Variants in GLI2 observed in about 807,000 individuals in gnomAD.
GLI2 encodes the protein GLI family zinc finger 2.
In GLI2, 22 loss-of-function variants were observed where a neutral mutation model predicts 78.9. That is an observed-to-expected ratio of 0.28 (90% confidence interval 0.20 to 0.40). The LOEUF (loss-of-function observed/expected upper bound fraction) is 0.40, where lower values mean the gene tolerates loss of function less well. Among genes scored for constraint, GLI2 ranks in the 10% least tolerant of loss-of-function variants. GLI2 has a pLI of 1.00. For synonymous variants in GLI2, 974 were observed against 963.7 expected (o/e 1.01, Z -0.20); for missense variants, 2,097 against 2,213.2 (o/e 0.95, Z 1.05).
chr2:120,933,401 A>G (rs1209007019), intron 3 of GLI2, among the ~76,000 whole-genome samples: 1 of 152,074 alleles, frequency 6.6e-6, no homozygotes, highest in Non-Finnish European at 1.5e-5. Flanking sequence ...TGGGGAGACA[A>G]ATGGGGCAGG....
chr2:120,801,729 A>T (rs918997709), intron 2 of GLI2, among the ~76,000 whole-genome samples: 24 of 152,150 alleles, frequency 1.6e-4, no homozygotes, highest in Non-Finnish European at 5.9e-5. Flanking sequence ...AAAGCTCGGA[A>T]AACCCAGGCA....
chr2:120,833,628 G>T (rs565078380), intron 2 of GLI2, among the ~76,000 whole-genome samples: 5 of 152,218 alleles, frequency 3.3e-5, no homozygotes, highest in South Asian at 4.2e-4. Flanking sequence ...GATTTTGACT[G>T]TCCATGGACT....
intron 1 of GLI2, among the ~76,000 whole-genome samples, chr2:120,764,192 C>T (rs969863490): frequency 2.0e-5 from 3 of 152,204 alleles, no homozygotes; most frequent in East Asian, 3.9e-4. Flanking sequence ...GAGGTGCCAG[C>T]GAAGTGGCAG....
At chr2:120,841,815 T>G (rs1445242513) in intron 2 of GLI2, among the ~76,000 whole-genome samples, 2 of 147,356 alleles carry the variant, frequency 1.4e-5, no homozygotes, top group Non-Finnish European at 1.5e-5. Flanking sequence ...GGTTCCCCAG[T>G]TGGGAGGAGG....
intron 1 of GLI2, among the ~76,000 whole-genome samples, chr2:120,747,171 C>T (rs181583857): frequency 5.8e-4 from 89 of 152,256 alleles, no homozygotes; most frequent in African/African-American, 1.6e-3. Flanking sequence ...CCTTGTTAGG[C>T]GTTAATGGAG....
chr2:120,908,427 C>T (rs1678651410), intron 2 of GLI2, among the ~76,000 whole-genome samples: 1 of 152,188 alleles, frequency 6.6e-6, no homozygotes, highest in Non-Finnish European at 1.5e-5. Flanking sequence ...ATATGGAGGC[C>T]CCCTCTTCTG....
At chr2:120,840,877 A>G (rs569870951) in intron 2 of GLI2, among the ~76,000 whole-genome samples, 1 of 152,096 alleles carries the variant, frequency 6.6e-6, no homozygotes, top group Non-Finnish European at 1.5e-5. Context: ...GGTCGCTAAA[A>G]AGAGATCCAC....
In GLI2 at chr2:120,990,726, GAGC is replaced by G; in HGVS notation, c.*52_*54del. 6.8e-7 allele frequency: 1 copy of G among 1,464,506 alleles called. No homozygotes were observed. The highest frequency in any genetic ancestry group is 9.4e-7 in the Non-Finnish European group (1 of 1,067,954). The allele number at this position is 1,464,506 out of a possible 1,614,324, so 90.7% of individuals were successfully genotyped here. On this transcript the variant is annotated 3_prime_UTR_variant, in exon 14 of 14. Transcript: ENST00000361492. ...CACCCGGAGGGGTCATCGCTGCCCA[GAGC>G]CTGGGGATTCCAGCTGTCTTGTCTT...
intron 2 of GLI2, among the ~76,000 whole-genome samples, chr2:120,910,705 G>A (rs544718732): frequency 5.3e-5 from 8 of 152,202 alleles, no homozygotes; most frequent in African/African-American, 1.9e-4. Context: ...TGTTTTCGGA[G>A]CCAGGCAGAA....
intron 3 of GLI2, among the ~76,000 whole-genome samples, chr2:120,943,188 G>A (rs550092123): frequency 4.6e-5 from 7 of 152,292 alleles, no homozygotes; most frequent in South Asian, 2.1e-4. Context: ...CAGAAGCACC[G>A]TAGGAGGATC....
At chr2:120,936,020 G>A (rs978852701) in intron 3 of GLI2, among the ~76,000 whole-genome samples, 1 of 151,456 alleles carries the variant, frequency 6.6e-6, no homozygotes, top group Non-Finnish European at 1.5e-5. Context: ...AGTGGGGGAG[G>A]GGCTGCGGCA....
At chr2:120,892,005 C>T (rs1353426926) in intron 2 of GLI2, among the ~76,000 whole-genome samples, 1 of 145,570 alleles carries the variant, frequency 6.9e-6, no homozygotes, top group African/African-American at 2.5e-5. Context: ...CACCTTGTGA[C>T]CTCCTGCTTG....
intron 2 of GLI2, among the ~76,000 whole-genome samples, chr2:120,816,192 CTTT>C (rs3053837): frequency 7.4e-6 from 1 of 134,882 alleles, no homozygotes; most frequent in African/African-American, 2.8e-5. Flanking sequence ...CCCCAAAGAG[CTTT>C]TTTTTTTTTT....
intron 1 of GLI2, 105 bp from the exon 2 acceptor site, chr2:120,797,186 A>G (rs1197810515): frequency 1.3e-6 from 1 of 787,974 alleles, no homozygotes; most frequent in Non-Finnish European, 2.2e-6. Context: ...GAGAATTAGA[A>G]TGAAGTTGGT....
At chr2:120,789,587 T>A (rs556745153) in intron 1 of GLI2, among the ~76,000 whole-genome samples, 9 of 152,370 alleles carry the variant, frequency 5.9e-5, no homozygotes, top group African/African-American at 2.2e-4. Flanking sequence ...TGCTGCTTAT[T>A]TGACATTTAG....
chr2:120,849,602 T>C (rs1236065822), intron 2 of GLI2, among the ~76,000 whole-genome samples: 2 of 152,228 alleles, frequency 1.3e-5, no homozygotes, highest in East Asian at 1.9e-4. Context: ...GGTCTCCCTA[T>C]GGAATTGCTA....
intron 1 of GLI2, among the ~76,000 whole-genome samples, chr2:120,742,367 T>G (rs942018280): frequency 3.3e-5 from 5 of 152,156 alleles, no homozygotes; most frequent in African/African-American, 1.2e-4. Context: ...CAATGCTTCT[T>G]TGTGTGCTGG....
intron 1 of GLI2, among the ~76,000 whole-genome samples, chr2:120,743,387 G>A (rs1053764603): frequency 6.6e-6 from 1 of 152,072 alleles, no homozygotes; most frequent in East Asian, 1.9e-4. Context: ...GAGGATTGCT[G>A]GAGTTCAGGA....
At chr2:120,973,534 G>C (rs1390356872) in intron 8 of GLI2, among the ~76,000 whole-genome samples, 1 of 152,230 alleles carries the variant, frequency 6.6e-6, no homozygotes, top group East Asian at 1.9e-4. Flanking sequence ...AGGACTCCCT[G>C]ACTCATTTGT....
Sources: gnomAD v4.1 joint callset for allele counts (sites outside exome capture counted in the v4.1 genomes callset) on GRCh38, gnomAD v4.1.1 for gene constraint, MANE v1.5 for transcripts, NCBI Gene and HGNC (gene_info 2026-07-23, HGNC 2026-07-21) for gene names.